PUS7L: variants seen among roughly 807,000 people sequenced by gnomAD.
PUS7L encodes pseudouridylate synthase PUS7L.
In PUS7L, 49 loss-of-function variants were observed where a neutral mutation model predicts 51.1. That is an observed-to-expected ratio of 0.96 (90% CI 0.76 to 1.22). The LOEUF is 1.22. Ranked by LOEUF, PUS7L falls within the 50% of genes most tolerant of loss-of-function variation. The pLI, the probability that PUS7L is intolerant of heterozygous loss-of-function variation, is 0.00. For synonymous variants in PUS7L, 277 were observed against 276.2 expected (o/e 1.00, Z -0.03); for missense variants, 828 against 820.6 (o/e 1.01, Z -0.11).
chr12:43,733,939 TG>T (rs142867891), intron 7 of PUS7L, among the ~76,000 whole-genome samples: 2,807 of 152,324 alleles, frequency 0.018, 56 homozygotes, highest in South Asian at 0.071. Flanking sequence ...CACAAGTAAT[TG>T]CAGTTTTTGC....
At position 43,746,228 on chromosome 12, in the gene PUS7L, T is replaced by C; in HGVS notation, c.1081A>G (p.Ile361Val). 5.3e-6 allele frequency: 7 copies of C among 1,311,638 alleles called. No homozygotes were observed. Among genetic ancestry groups the C allele is most frequent in the Non-Finnish European group, 6.4e-6 (6 of 944,094 alleles). 81.2% of individuals were successfully genotyped at this position (1,311,638 alleles called of 1,614,324 possible). ...CTTTTCTTTTCAATTTCTTTTTCAATATTTTTCAACCTGTAAGTAATAAAT... is the reference window on the plus strand; with the variant it reads ...CTTTTCTTTTCAATTTCTTTTTCAACATTTTTCAACCTGTAAGTAATAAAT... ...RKVTPERLKNIEKEIEKKRMN... is the reference protein window; with the variant it reads ...RKVTPERLKNVEKEIEKKRMN... Residue 361 changes from isoleucine (I) to valine (V), a missense_variant, in exon 4 of 9, where the codon ATT becomes GTT. Physicochemically the swap from Ile to Val is conservative, Grantham distance 29 (BLOSUM62 3). Coordinates refer to ENST00000344862, the MANE Select transcript of PUS7L (RefSeq NM_031292.5).
At position 43,754,914 on chromosome 12, in the gene PUS7L, A is replaced by G. The variant is rs752719418; in HGVS notation, c.332T>C (p.Ile111Thr). 142 of 1,613,704 alleles carry G rather than the reference A, an allele frequency of 8.8e-5. 2 individuals are homozygous for G. The South Asian group carries it at 9.9e-4, about 11-fold the overall frequency. ...HQSGSEKEDT[I>T]VDGTSKCEEK... is the part of the protein sequence containing the mutation. ...TTCACATTTGGAAGTTCCATCAACG[A>G]TAGTATCTTCCTTTTCTGAACCAGA... The change falls in exon 2 of 9, where the codon ATC (isoleucine) becomes ACC (threonine). Residue 111 changes from isoleucine to threonine, a missense_variant. Transcript: ENST00000344862.
At position 43,720,745 on chromosome 12, in the gene PUS7L, GT is replaced by G. The variant is rs950087435; in HGVS notation, c.*9630del. The G allele has an allele frequency of 1.3e-5, 2 of 152,122 alleles. No individual in the cohort carries two copies. Among genetic ancestry groups the G allele is most frequent in the Non-Finnish European group, 2.9e-5 (2 of 68,006 alleles). The allele number at this position is 152,122 out of a possible 1,614,324, so 9.4% of individuals were successfully genotyped here. A position where few individuals can be genotyped will look rare whatever the true frequency, so the allele number is the denominator to read the frequency against. On this transcript the variant is annotated 3_prime_UTR_variant, in exon 9 of 9. Transcript: ENST00000344862. ...GTATACTGTTAAAGCTGCCTTTAAG[GT>G]TTTTCTTTTTATTATTGATGTTTTG...
At chr12:43,738,259 G>A (rs746081708) in intron 6 of PUS7L, 51 bp downstream of exon 6, 11 of 899,132 alleles carry the variant, frequency 1.2e-5, no homozygotes, top group African/African-American at 4.9e-5. Flanking sequence ...AACATTTATA[G>A]TGTGTATCTG....
At position 43,723,113 on chromosome 12, in the gene PUS7L, T is replaced by G. The variant is rs1234426795; in HGVS notation, c.*7263A>C. ...TGTAATATGTTCTAAAGACTAAATT[T>G]AAATAATTTCATGGCTATTCTGACT... On this transcript the variant is annotated 3_prime_UTR_variant, in exon 9 of 9. Transcript: ENST00000344862. 3 of 152,156 alleles carry G rather than the reference T, an allele frequency of 2.0e-5. No individual in the cohort carries two copies. Among genetic ancestry groups the G allele is most frequent in the Non-Finnish European group, 4.4e-5 (3 of 67,976 alleles). 9.4% of individuals were successfully genotyped at this position (152,156 alleles called of 1,614,324 possible).
intron 5 of PUS7L, chr12:43,740,987 C>G (rs1282150621): frequency 6.6e-6 from 1 of 152,222 alleles, no homozygotes; most frequent in Non-Finnish European, 1.5e-5. Context: ...ACAAGAAACC[C>G]TGATCCAGAG....
At chr12:43,755,285 G>T in intron 1 of PUS7L, 24 bp from the exon 2 acceptor site, 1 of 1,431,008 alleles carries the variant, frequency 7.0e-7, no homozygotes, top group Non-Finnish European at 9.4e-7. Context: ...CAAAGAGGTG[G>T]TTAGTTAACA....
chr12:43,738,815 C>A, intron 5 of PUS7L: 1 of 298,580 alleles, frequency 3.3e-6, no homozygotes, highest in Non-Finnish European at 6.7e-6. Context: ...AACTTTTTTG[C>A]AGTCATTTCA....
At chr12:43,747,333 T>C (rs989989619) in intron 3 of PUS7L, among the ~76,000 whole-genome samples, 11 of 152,302 alleles carry the variant, frequency 7.2e-5, no homozygotes, top group African/African-American at 2.6e-4. Context: ...TAAATTTTCA[T>C]CTAACAATAT....
intron 2 of PUS7L, among the ~76,000 whole-genome samples, chr12:43,753,454 T>C (rs994106046): frequency 1.3e-5 from 2 of 152,204 alleles, no homozygotes; most frequent in Non-Finnish European, 2.9e-5. Context: ...GTCCAAACTC[T>C]TTTCATTTGC....
intron 2 of PUS7L, among the ~76,000 whole-genome samples, chr12:43,752,908 A>G (rs1938524459): frequency 6.6e-6 from 1 of 152,238 alleles, no homozygotes; most frequent in Admixed American, 6.5e-5. Context: ...GTAATTTAAA[A>G]TTAAAAATAA....
chr12:43,755,595 A>C (rs1331739686), intron 1 of PUS7L, among the ~76,000 whole-genome samples: 2 of 152,230 alleles, frequency 1.3e-5, no homozygotes, highest in Non-Finnish European at 2.9e-5. Flanking sequence ...AGAAGAGGTG[A>C]GAACACAGGA....
At chr12:43,746,973 T>C (rs9971859) in intron 3 of PUS7L, among the ~76,000 whole-genome samples, 13,413 of 152,238 alleles carry the variant, frequency 0.088, 1,434 homozygotes, top group African/African-American at 0.26. Flanking sequence ...AAAGTTCTTC[T>C]TTCTGCACTA....
intron 6 of PUS7L, chr12:43,738,096 CT>C (rs1482968542): frequency 1.1e-4 from 47 of 437,342 alleles, no homozygotes; most frequent in African/African-American, 8.7e-4. Flanking sequence ...GCCCCTACCC[CT>C]AGACAAGACT....
intron 1 of PUS7L, among the ~76,000 whole-genome samples, chr12:43,756,958 A>T (rs899811084): frequency 3.3e-5 from 5 of 152,176 alleles, no homozygotes; most frequent in African/African-American, 1.2e-4. Flanking sequence ...TTCCAAGGAC[A>T]TCTAAGATTA....
intron 4 of PUS7L, among the ~76,000 whole-genome samples, chr12:43,745,149 C>A (rs1406069777): frequency 6.6e-6 from 1 of 152,072 alleles, no homozygotes; most frequent in Non-Finnish European, 1.5e-5. Context: ...TATTATCTGG[C>A]CCTTTACAGT....
Position 43,728,238 on chromosome 12 carries a change from T to A in PUS7L, c.*2138A>T, listed in dbSNP as rs187728762. 20 of 152,260 alleles carry A rather than the reference T, an allele frequency of 1.3e-4. No homozygotes were observed. In the East Asian group the frequency reaches 3.9e-3, roughly 29 times the overall value. The allele number at this position is 152,260 out of a possible 1,614,324, so 9.4% of individuals were successfully genotyped here. Reference sequence around the variant, plus strand: ...CATATAAAATAATATTCCACATGAATGATATCTCAATACATTTTATGGTGA... The same window carrying A: ...CATATAAAATAATATTCCACATGAAAGATATCTCAATACATTTTATGGTGA... On this transcript the variant is annotated 3_prime_UTR_variant, in exon 9 of 9. Coordinates refer to ENST00000344862, the MANE Select transcript of PUS7L (RefSeq NM_031292.5).
intron 7 of PUS7L, among the ~76,000 whole-genome samples, chr12:43,732,566 T>C (rs1302100669): frequency 2.0e-5 from 3 of 152,208 alleles, no homozygotes; most frequent in Non-Finnish European, 4.4e-5. Flanking sequence ...ATTAACTCTA[T>C]GAAATGTGGC....
Position 43,729,064 on chromosome 12 carries a change from G to A in PUS7L, c.*1312C>T. ...TGTAACATATGTGTTCTACTTTTAGGGGGCAACATTTTCTCATGAAACTAA... is the reference window on the plus strand; with the variant it reads ...TGTAACATATGTGTTCTACTTTTAGAGGGCAACATTTTCTCATGAAACTAA... On this transcript the variant is annotated 3_prime_UTR_variant, in exon 9 of 9. Transcript: ENST00000344862. 2 of 388,396 alleles carry A rather than the reference G, an allele frequency of 5.1e-6. No homozygotes were observed. Among genetic ancestry groups the A allele is most frequent in the Non-Finnish European group, 4.6e-6 (1 of 219,578 alleles). 24.1% of individuals were successfully genotyped at this position (388,396 alleles called of 1,614,324 possible).
Sources: gnomAD v4.1 joint callset for allele counts (sites outside exome capture counted in the v4.1 genomes callset) on GRCh38, gnomAD v4.1.1 for gene constraint, MANE v1.5 for transcripts, NCBI Gene and HGNC (gene_info 2026-07-23, HGNC 2026-07-21) for gene names.